The following ZNF540 variants were observed in gnomAD, a reference collection of about 807,000 sequenced individuals.
ZNF540 encodes the protein CTD-3064H18.6.
A neutral mutation model predicts 11.8 loss-of-function variants in ZNF540; 3 were observed. That is an observed-to-expected ratio of 0.25 (90% CI 0.12 to 0.65). The LOEUF is 0.65. ZNF540 is among the 30% of genes least tolerant of loss of function. The probability of loss-of-function intolerance (pLI) is 0.83; values close to 1 mark genes in which losing one functional copy is unlikely to be tolerated. For synonymous variants in ZNF540, 247 were observed against 259.0 expected (o/e 0.95, Z 0.45); for missense variants, 709 against 793.1 (o/e 0.89, Z 1.27).
intron 1 of ZNF540, among the ~76,000 whole-genome samples, chr19:37,584,784 A>T (rs576482833): frequency 1.3e-5 from 2 of 152,116 alleles, no homozygotes; most frequent in African/African-American, 4.8e-5. Context: ...AACACGGTGA[A>T]ACCCCGTCTC....
chr19:37,562,433 C>A (rs1341860166), intron 1 of ZNF540: 2 of 152,010 alleles, frequency 1.3e-5, no homozygotes, highest in African/African-American at 4.8e-5. Flanking sequence ...AGAGATAACA[C>A]TGCATATAGA....
At chr19:37,574,582 C>T (rs1307319079) in intron 1 of ZNF540, among the ~76,000 whole-genome samples, 1 of 152,134 alleles carries the variant, frequency 6.6e-6, no homozygotes, top group African/African-American at 2.4e-5. Context: ...AATCCTCATA[C>T]ATACACAAAT....
intron 2 of ZNF540, among the ~76,000 whole-genome samples, chr19:37,598,876 G>A (rs895114505): frequency 6.6e-6 from 1 of 152,162 alleles, no homozygotes; most frequent in Admixed American, 6.5e-5. Context: ...AGAGAGGCCA[G>A]GGGATCTTTC....
At chr19:37,574,734 A>G (rs573711167) in intron 1 of ZNF540, among the ~76,000 whole-genome samples, 1 of 152,286 alleles carries the variant, frequency 6.6e-6, no homozygotes, top group South Asian at 2.1e-4. Flanking sequence ...TAACTTCCAA[A>G]TGATAGTTTC....
At chr19:37,568,325 C>A (rs1172797209) in intron 1 of ZNF540, among the ~76,000 whole-genome samples, 1 of 150,786 alleles carries the variant, frequency 6.6e-6, no homozygotes, top group African/African-American at 2.4e-5. Flanking sequence ...CTACCCCCCC[C>A]CACTTGCCAT....
At chr19:37,604,752 A>G (rs546831597) in intron 4 of ZNF540, among the ~76,000 whole-genome samples, 1 of 152,300 alleles carries the variant, frequency 6.6e-6, no homozygotes, top group South Asian at 2.1e-4. Context: ...GAACATGTCT[A>G]TCATGTCAAA....
chr19:37,562,875 G>A (rs1050777477), intron 1 of ZNF540: 2 of 152,166 alleles, frequency 1.3e-5, no homozygotes, highest in African/African-American at 4.8e-5. Flanking sequence ...TGGCTTTTGA[G>A]TGTTTTACAT....
At chr19:37,585,772 T>C (rs922204169) in intron 1 of ZNF540, 1 of 152,344 alleles carries the variant, frequency 6.6e-6, no homozygotes, top group Admixed American at 6.5e-5. Flanking sequence ...AAGGGGACTT[T>C]AGAAGTGCAA....
At chr19:37,565,609 ATGAATTCTC>A in intron 1 of ZNF540, 1 of 1,613,410 alleles carries the variant, frequency 6.2e-7, no homozygotes, top group South Asian at 1.1e-5. Flanking sequence ...TTTCACCACT[ATGAATTCTC>A]TGATGAAGAG....
rs769568501 is a variant in ZNF540, at chr19:37,565,364, C to A, written c.-73+13699C>A. The stretch of plus-strand genomic sequence containing the variant: ...ATAGGGTTTCTCTCCTGTATGAATT[C>A]TCTGATGTTCATTCAGTTGGGAGGC... On this transcript the variant is annotated intron_variant, in intron 1 of 4. Transcript: ENST00000592533. 2.5e-6 allele frequency: 4 copies of A among 1,613,804 alleles called. No homozygotes were observed. The East Asian group carries it at 8.9e-5, about 36-fold the overall frequency.
chr19:37,609,149 A>G (rs906035511), intron 4 of ZNF540, among the ~76,000 whole-genome samples: 1 of 152,224 alleles, frequency 6.6e-6, no homozygotes, highest in African/African-American at 2.4e-5. Context: ...ACCTGTTACA[A>G]TATCTATACA....
upstream of ZNF540, chr19:37,594,257 C>T (rs1305301619): frequency 6.6e-6 from 1 of 152,290 alleles, no homozygotes; most frequent in Admixed American, 6.5e-5. Context: ...CCGCACGATT[C>T]TCAGCTGGCT....
chr19:37,585,206 G>C (rs1010083787), intron 1 of ZNF540: 2 of 152,278 alleles, frequency 1.3e-5, no homozygotes, highest in African/African-American at 2.4e-5. Flanking sequence ...TCCTGGGCAA[G>C]AGGGTTGTAG....
chr19:37,565,073 CATTCCTTACATTCA>C, intron 1 of ZNF540: 3 of 1,613,404 alleles, frequency 1.9e-6, no homozygotes, highest in Non-Finnish European at 2.5e-6. Context: ...GGCCTTTCCA[CATTCCTTACATTCA>C]AAGGGTTTCT....
intron 1 of ZNF540, chr19:37,555,531 T>C: frequency 4.6e-6 from 1 of 217,300 alleles, no homozygotes; most frequent in South Asian, 8.2e-5. Flanking sequence ...GAACATGCTT[T>C]GATACCAGGG....
chr19:37,586,314 C>A, intron 1 of ZNF540: 1 of 205,414 alleles, frequency 4.9e-6, no homozygotes, highest in Non-Finnish European at 9.7e-6. Context: ...TAGAGAAGAT[C>A]AAATTTTGTC....
At chr19:37,562,979 A>G (rs753199894) in intron 1 of ZNF540, 2 of 152,326 alleles carry the variant, frequency 1.3e-5, no homozygotes, top group Admixed American at 6.5e-5. Flanking sequence ...GACTGAAAAC[A>G]TACTGTTTTT....
At chr19:37,560,287 A>C (rs971837353) in intron 1 of ZNF540, 3 of 152,056 alleles carry the variant, frequency 2.0e-5, no homozygotes, top group African/African-American at 4.8e-5. Context: ...CAAAACGAAA[A>C]AAATAAAAAT....
At chr19:37,602,157 CAG>C (rs1339809545) in intron 4 of ZNF540, among the ~76,000 whole-genome samples, 1 of 152,068 alleles carries the variant, frequency 6.6e-6, no homozygotes, top group African/African-American at 2.4e-5. Context: ...GTAGAGCTAA[CAG>C]ACATGCCATG....
Sources: allele counts gnomAD v4.1 joint callset (sites outside exome capture counted in the v4.1 genomes callset), GRCh38; gene constraint gnomAD v4.1.1; transcripts MANE v1.5; gene names NCBI Gene and HGNC (gene_info 2026-07-23, HGNC 2026-07-21).